GRIK1: variants seen among roughly 807,000 people sequenced by gnomAD.
GRIK1 encodes glutamate receptor ionotropic, kainate 1.
A neutral mutation model predicts 105.7 loss-of-function variants in GRIK1; 69 were observed. The observed-to-expected ratio is 0.65, with a 90% CI of 0.54 to 0.80. The LOEUF (loss-of-function observed/expected upper bound fraction) is 0.80. Among genes scored for constraint, GRIK1 ranks in the 30% least tolerant of loss-of-function variants. GRIK1 has a pLI of 0.00. For missense variants in GRIK1, 1,109 were observed against 1,167.3 expected, an observed-to-expected ratio of 0.95 and a Z score of 0.73; for synonymous variants, 438 against 431.3, an observed-to-expected ratio of 1.02 and a Z score of -0.19.
intron 12 of GRIK1, among the ~76,000 whole-genome samples, chr21:29,583,589 A>G (rs1351897915): frequency 6.6e-6 from 1 of 152,172 alleles, no homozygotes; most frequent in Non-Finnish European, 1.5e-5. Context: ...GTCTTGTTTC[A>G]TACTTTGCAC....
intron 6 of GRIK1, 87 bp from the exon 7 acceptor site, chr21:29,643,056 C>G: frequency 7.6e-7 from 1 of 1,307,364 alleles, no homozygotes; most frequent in Non-Finnish European, 1.1e-6. Context: ...GCTTCCATAG[C>G]TCTTATCTGT....
rs749461889 is a variant in GRIK1 at position 29,689,735 on chromosome 21, G to T, written c.537C>A (p.Asp179Glu). The T allele has an allele frequency of 3.0e-5, 49 of 1,613,788 alleles. 1 individual carries two copies. The highest frequency in any genetic ancestry group is 2.9e-4 in the African/African-American group (22 of 74,908). The change falls in exon 3 of 18, where the codon GAC becomes GAA. Residue 179 changes from aspartate to glutamate, a missense_variant. Coordinates refer to ENST00000327783, the MANE Select transcript of GRIK1 (RefSeq NM_001330994.2). ...CTTGTGTGAGTCCCATACCTGTGCT[G>T]TCTTCATACACCACTGTCACTGTTT... is the stretch of plus-strand genomic sequence containing the variant. ...NWKTVTVVYE[D>E]STGLIRLQEL... is the part of the protein sequence containing the mutation.
At chr21:29,693,338 C>T (rs549018236) in intron 2 of GRIK1, among the ~76,000 whole-genome samples, 2 of 152,278 alleles carry the variant, frequency 1.3e-5, no homozygotes, top group South Asian at 2.1e-4. Flanking sequence ...ACTTTTTAGG[C>T]TAGGCACTTG....
intron 1 of GRIK1, among the ~76,000 whole-genome samples, chr21:29,833,509 G>A (rs1400151851): frequency 6.6e-6 from 1 of 152,120 alleles, no homozygotes; most frequent in African/African-American, 2.4e-5. Context: ...AGAGGCCTCA[G>A]GAACCATACA....
chr21:29,783,649 G>A (rs1419844302), intron 1 of GRIK1, among the ~76,000 whole-genome samples: 2 of 151,952 alleles, frequency 1.3e-5, no homozygotes, highest in Non-Finnish European at 2.9e-5. Context: ...TATTTTTCCA[G>A]CCCCTTTTAT....
intron 1 of GRIK1, among the ~76,000 whole-genome samples, chr21:29,750,754 T>C (rs2065174745): frequency 6.6e-6 from 1 of 152,152 alleles, no homozygotes; most frequent in Non-Finnish European, 1.5e-5. Flanking sequence ...AAACCTGTGA[T>C]ACTGATATAT....
chr21:29,811,615 G>A (rs1311704383), intron 1 of GRIK1, among the ~76,000 whole-genome samples: 1 of 152,126 alleles, frequency 6.6e-6, no homozygotes. Flanking sequence ...ACATGCAGGA[G>A]TCCAGTCCAT....
chr21:29,783,632 T>C (rs980432095), intron 1 of GRIK1, among the ~76,000 whole-genome samples: 4 of 152,212 alleles, frequency 2.6e-5, no homozygotes, highest in African/African-American at 9.6e-5. Context: ...CATAGGGTTC[T>C]GGCTTATATT....
chr21:29,820,298 A>G (rs1437327135), intron 1 of GRIK1, among the ~76,000 whole-genome samples: 1 of 152,082 alleles, frequency 6.6e-6, no homozygotes, highest in Non-Finnish European at 1.5e-5. Flanking sequence ...GTTTTTATCA[A>G]GATCACCATG....
intron 1 of GRIK1, among the ~76,000 whole-genome samples, chr21:29,847,968 A>C (rs1420383284): frequency 6.6e-6 from 1 of 151,978 alleles, no homozygotes; most frequent in African/African-American, 2.4e-5. Flanking sequence ...TATACACATA[A>C]AATTCACCAT....
intron 1 of GRIK1, among the ~76,000 whole-genome samples, chr21:29,746,625 T>C (rs993075221): frequency 2.6e-5 from 4 of 152,242 alleles, no homozygotes; most frequent in Non-Finnish European, 4.4e-5. Flanking sequence ...TGATTGTAAT[T>C]GTAAAGTGAC....
chr21:29,733,139 T>C (rs2064684070), intron 1 of GRIK1, among the ~76,000 whole-genome samples: 1 of 152,208 alleles, frequency 6.6e-6, no homozygotes, highest in Non-Finnish European at 1.5e-5. Flanking sequence ...CTGCCATATA[T>C]TTCGAGATTT....
chr21:29,815,216 T>C (rs1387069785), intron 1 of GRIK1, among the ~76,000 whole-genome samples: 3 of 152,194 alleles, frequency 2.0e-5, no homozygotes, highest in Non-Finnish European at 4.4e-5. Flanking sequence ...CTGGAGGTAG[T>C]GCAGTGTCTG....
intron 7 of GRIK1, among the ~76,000 whole-genome samples, chr21:29,606,562 A>G (rs2061620354): frequency 6.6e-6 from 1 of 152,164 alleles, no homozygotes; most frequent in African/African-American, 2.4e-5. Flanking sequence ...AGTCACATAT[A>G]TAACTGGCTT....
chr21:29,744,421 C>T (rs562831844), intron 1 of GRIK1, among the ~76,000 whole-genome samples: 32 of 152,300 alleles, frequency 2.1e-4, no homozygotes, highest in Non-Finnish European at 3.5e-4. Flanking sequence ...GTGGAGTTGA[C>T]GCATGCATAT....
chr21:29,541,984 T>C (rs968065551), intron 16 of GRIK1, among the ~76,000 whole-genome samples: 20 of 152,154 alleles, frequency 1.3e-4, no homozygotes, highest in African/African-American at 4.8e-4. Context: ...TAATAAAGTA[T>C]GTTCTTGCCA....
At chr21:29,873,016 G>A (rs2069073271) in intron 1 of GRIK1, among the ~76,000 whole-genome samples, 1 of 152,114 alleles carries the variant, frequency 6.6e-6, no homozygotes, top group South Asian at 2.1e-4. Context: ...TGAGAAATGA[G>A]GTTAGAGCTA....
intron 7 of GRIK1, among the ~76,000 whole-genome samples, chr21:29,636,551 C>T (rs1200111865): frequency 1.3e-5 from 2 of 152,130 alleles, no homozygotes; most frequent in Non-Finnish European, 1.5e-5. Context: ...ATGGAGGTAG[C>T]AGCAGAATCA....
intron 1 of GRIK1, among the ~76,000 whole-genome samples, chr21:29,765,353 A>T (rs2065632601): frequency 6.6e-6 from 1 of 152,034 alleles, no homozygotes. Context: ...AGAAAGGCTC[A>T]TTTCTTCACT....
Sources: allele counts gnomAD v4.1 joint callset (sites outside exome capture counted in the v4.1 genomes callset), GRCh38; gene constraint gnomAD v4.1.1; transcripts MANE v1.5; gene names NCBI Gene and HGNC (gene_info 2026-07-23, HGNC 2026-07-21).